The following ATP2C1 variants were observed in gnomAD, a reference collection of about 807,000 sequenced individuals.
ATP2C1 encodes the protein ATPase secretory pathway Ca2+ transporting 1.
Under a neutral mutation model 120.5 loss-of-function variants are expected in ATP2C1, and 31 were observed. The ratio of observed to expected loss-of-function variants is 0.26; its 90% CI spans 0.19 to 0.35. The LOEUF is 0.35. Ranked by LOEUF, ATP2C1 falls within the 10% of genes least tolerant of loss-of-function variation. ATP2C1 has a pLI of 1.00. For missense variants in ATP2C1, 731 were observed against 1,107.5 expected, an observed-to-expected ratio of 0.66 and a Z score of 4.83; for synonymous variants, 351 against 358.7, an observed-to-expected ratio of 0.98 and a Z score of 0.24.
chr3:130,879,934 G>A (rs192058344), intron 1 of ATP2C1, among the ~76,000 whole-genome samples: 121 of 152,270 alleles, frequency 7.9e-4, no homozygotes, highest in East Asian at 3.9e-4. Flanking sequence ...GGTGCATGAT[G>A]ACCTCATCGC....
chr3:130,852,333 G>C (rs1159912646), intron 1 of ATP2C1, among the ~76,000 whole-genome samples: 1 of 152,076 alleles, frequency 6.6e-6, no homozygotes, highest in Non-Finnish European at 1.5e-5. Context: ...AATGTGAATT[G>C]AGTGATTTTT....
intron 26 of ATP2C1, chr3:131,014,166 C>G: frequency 6.2e-7 from 1 of 1,613,668 alleles, no homozygotes; most frequent in Non-Finnish European, 8.5e-7. Flanking sequence ...GGTTCTCCCT[C>G]TGTTCTTAGA....
intron 16 of ATP2C1, among the ~76,000 whole-genome samples, chr3:130,968,318 C>G (rs2061145052): frequency 6.6e-6 from 1 of 152,108 alleles, no homozygotes; most frequent in African/African-American, 2.4e-5. Context: ...GAATATGAAA[C>G]TATCTTTTTA....
intron 8 of ATP2C1, among the ~76,000 whole-genome samples, chr3:130,944,776 GCCAAGATAGTTTTC>G (rs1240617063): frequency 6.6e-6 from 1 of 152,118 alleles, no homozygotes; most frequent in Non-Finnish European, 1.5e-5. Flanking sequence ...CAGTGGTTGA[GCCAAGATAGTTTTC>G]CCTTGGTATC....
intron 2 of ATP2C1, among the ~76,000 whole-genome samples, chr3:130,907,730 C>CTT (rs201616375): frequency 3.9e-4 from 49 of 126,564 alleles, no homozygotes; most frequent in Admixed American, 1.5e-3. Flanking sequence ...GTCTGCCTTT[C>CTT]TTTTTTTTTT....
Position 131,001,562 on chromosome 3 carries a change from C to T in ATP2C1, c.*212C>T. The T allele has an allele frequency of 8.0e-7, 1 of 1,254,570 alleles. No individual in the cohort carries two copies. Among genetic ancestry groups the T allele is most frequent in the Non-Finnish European group, 1.0e-6 (1 of 992,492 alleles). 77.7% of individuals were successfully genotyped at this position (1,254,570 alleles called of 1,614,324 possible). A position where few individuals can be genotyped will look rare whatever the true frequency, so the allele number is the denominator to read the frequency against. ...TATCATATTCCTTGATTTAAATTGG[C>T]TTTTGTGATTGAGTGAAACTTTATA... On this transcript the variant is annotated 3_prime_UTR_variant, in exon 28 of 28. Coordinates refer to ENST00000510168, the MANE Select transcript of ATP2C1 (RefSeq NM_001378687.1).
intron 20 of ATP2C1, among the ~76,000 whole-genome samples, chr3:130,984,564 T>A (rs191393614): frequency 1.2e-3 from 187 of 152,296 alleles, no homozygotes; most frequent in African/African-American, 4.3e-3. Flanking sequence ...ATTTTGCTTA[T>A]CCATATTTTT....
chr3:130,956,107 C>G lies in ATP2C1; in HGVS notation c.760C>G (p.Pro254Ala). 1 of 1,607,708 alleles carries G rather than the reference C, an allele frequency of 6.2e-7. No homozygotes were observed. The highest frequency in any genetic ancestry group is 1.1e-5 in the South Asian group (1 of 90,958). Residue 254 changes from proline (P) to alanine (A), a missense_variant, in exon 11 of 28, where the codon CCA becomes GCA. Physicochemically the swap from Pro to Ala is conservative, Grantham distance 27. Around this residue, in one of 3 missense-constraint regions of ATP2C1, gnomAD observed 571 missense variants for 845.9 expected, o/e 0.67. Coordinates refer to ENST00000510168, the MANE Select transcript of ATP2C1 (RefSeq NM_001378687.1). Reference sequence around the variant, plus strand: ...CACTCTTCTTCAATTTATCAAGGCACCAAAAACCCCTCTGCAGAAGAGCAT... The same window carrying G: ...CACTCTTCTTCAATTTATCAAGGCAGCAAAAACCCCTCTGCAGAAGAGCAT... ...VFKMMQAEEA[P>A]KTPLQKSMDL...
At chr3:130,858,369 G>A (rs140365073) in intron 1 of ATP2C1, among the ~76,000 whole-genome samples, 1 of 152,126 alleles carries the variant, frequency 6.6e-6, no homozygotes, top group Non-Finnish European at 1.5e-5. Context: ...CTACTTCCTG[G>A]CTAGGGCATC....
At chr3:130,855,059 G>T (rs146303993) in intron 1 of ATP2C1, among the ~76,000 whole-genome samples, 1 of 151,858 alleles carries the variant, frequency 6.6e-6, no homozygotes, top group Admixed American at 6.6e-5. Context: ...TCCCCCTTAC[G>T]TCCCCTTCCT....
At chr3:130,994,986 T>G (rs985841789) in intron 22 of ATP2C1, among the ~76,000 whole-genome samples, 1 of 152,226 alleles carries the variant, frequency 6.6e-6, no homozygotes, top group East Asian at 1.9e-4. Context: ...CTACTTGATG[T>G]GCAGGAGCAA....
intron 1 of ATP2C1, among the ~76,000 whole-genome samples, chr3:130,887,876 C>T (rs1005287676): frequency 1.2e-4 from 18 of 152,168 alleles, no homozygotes; most frequent in African/African-American, 4.3e-4. Flanking sequence ...TTACTTTCCC[C>T]TCTGCTTTTC....
At chr3:130,965,194 CTT>C in intron 14 of ATP2C1, 149 bp downstream of exon 14, 1 of 663,800 alleles carries the variant, frequency 1.5e-6, no homozygotes, top group Non-Finnish European at 2.7e-6. Context: ...TTTACCAAGT[CTT>C]TGTCTCATTC....
At chr3:130,865,736 T>C (rs1165412483) in intron 1 of ATP2C1, among the ~76,000 whole-genome samples, 1 of 152,210 alleles carries the variant, frequency 6.6e-6, no homozygotes, top group Non-Finnish European at 1.5e-5. Context: ...GAAGTGCCTT[T>C]CACTTCCCGC....
chr3:130,942,702 A>T, intron 8 of ATP2C1, among the ~76,000 whole-genome samples: 1 of 152,218 alleles, frequency 6.6e-6, no homozygotes, highest in Non-Finnish European at 1.5e-5. Context: ...GGAATAATTG[A>T]TAATATTGCA....
intron 2 of ATP2C1, among the ~76,000 whole-genome samples, chr3:130,900,106 G>A (rs182273177): frequency 2.6e-5 from 4 of 151,894 alleles, no homozygotes; most frequent in South Asian, 2.1e-4. Context: ...AACCCAGGCT[G>A]GGCTGGGACA....
chr3:130,917,404 C>A (rs983844824), intron 2 of ATP2C1, among the ~76,000 whole-genome samples: 11 of 151,914 alleles, frequency 7.2e-5, no homozygotes, highest in African/African-American at 2.4e-4. Context: ...TATGTGAACG[C>A]CTTTGGATTT....
rs543478027 is a variant in ATP2C1, at chr3:130,988,019, T to G, written c.1840-4932T>G. Among the ~76,000 whole-genome samples the G allele has an allele frequency of 5.9e-5, 9 of 152,352 alleles. No homozygotes were observed. The East Asian group carries it at 1.7e-3, about 29-fold the overall frequency. The stretch of plus-strand genomic sequence containing the variant: ...TCCTCTTTCATTCTTCTTTTTCTGA[T>G]TTTTACAGCATTACTTGCATTTATA... On this transcript the variant is annotated intron_variant, in intron 20 of 27. Transcript: ENST00000510168.
rs142449501 is a variant in ATP2C1, at chr3:131,002,776, C to A, written c.*1426C>A. ...CAATATTAAACTGCAAGTGTTAGCACTGAAATATTGTCATTGATAGGGAAA... is the reference window on the plus strand; with the variant it reads ...CAATATTAAACTGCAAGTGTTAGCAATGAAATATTGTCATTGATAGGGAAA... On this transcript the variant is annotated 3_prime_UTR_variant, in exon 28 of 28. Transcript: ENST00000510168. 7 of 985,538 alleles carry A rather than the reference C, an allele frequency of 7.1e-6. No homozygotes were observed. Among genetic ancestry groups the A allele is most frequent in the Non-Finnish European group, 6.0e-6 (5 of 829,918 alleles). The allele number at this position is 985,538 out of a possible 1,614,324, so 61.0% of individuals were successfully genotyped here.
Sources: gnomAD v4.1 joint callset for allele counts (sites outside exome capture counted in the v4.1 genomes callset) on GRCh38, gnomAD v4.1.1 for gene constraint, gnomAD v4.1.1 regional missense constraint, MANE v1.5 for transcripts, NCBI Gene and HGNC (gene_info 2026-07-23, HGNC 2026-07-21) for gene names.